MYO9A: variants seen among roughly 807,000 people sequenced by gnomAD.
MYO9A encodes the protein myosin IXA.
Under a neutral mutation model 293.3 loss-of-function variants are expected in MYO9A, and 103 were observed. That is an observed-to-expected ratio of 0.35 (90% CI 0.30 to 0.41). The LOEUF is 0.41. Among genes scored for constraint, MYO9A ranks in the 10% least tolerant of loss-of-function variants. The probability of loss-of-function intolerance (pLI) is 1.00; values close to 1 mark genes in which losing one functional copy is unlikely to be tolerated. For synonymous variants in MYO9A, 1,001 were observed against 1,035.7 expected (o/e 0.97, Z 0.64); for missense variants, 2,685 against 3,033.0 (o/e 0.89, Z 2.69).
chr15:71,863,965 C>A (rs1377509419), intron 32 of MYO9A, among the ~76,000 whole-genome samples: 1 of 152,130 alleles, frequency 6.6e-6, no homozygotes, highest in Non-Finnish European at 1.5e-5. Context: ...ACAGTAAAAT[C>A]TATTGTTTTG....
At position 71,822,981 on chromosome 15, in the gene MYO9A, C is replaced by T. The variant is rs2054331035; in HGVS notation, c.*3599G>A. The stretch of plus-strand genomic sequence containing the variant: ...TCACAGATACCAAGGAGTTTTACTA[C>T]CAAGGCCAGCATGGTATTGCAGGAC... On this transcript the variant is annotated 3_prime_UTR_variant, in exon 42 of 42. Transcript: ENST00000356056. 1 of 151,926 alleles carries T rather than the reference C, an allele frequency of 6.6e-6. No homozygotes were observed. Among genetic ancestry groups the T allele is most frequent in the Admixed American group, 6.6e-5 (1 of 15,234 alleles). 9.4% of individuals were successfully genotyped at this position (151,926 alleles called of 1,614,324 possible). A position where few individuals can be genotyped will look rare whatever the true frequency, so the allele number is the denominator to read the frequency against.
intron 1 of MYO9A, among the ~76,000 whole-genome samples, chr15:72,049,214 A>G (rs940665983): frequency 6.6e-6 from 1 of 152,222 alleles, no homozygotes; most frequent in Non-Finnish European, 1.5e-5. Flanking sequence ...TATCATAAAT[A>G]TATTTTTAAA....
At chr15:71,860,920 T>C (rs2056089369) in intron 33 of MYO9A, among the ~76,000 whole-genome samples, 1 of 136,746 alleles carries the variant, frequency 7.3e-6, no homozygotes. Flanking sequence ...TGAGCTGAGA[T>C]TGTGCCAATG....
intron 33 of MYO9A, among the ~76,000 whole-genome samples, chr15:71,861,702 CAAAT>C (rs2056140627): frequency 4.4e-5 from 4 of 91,086 alleles, no homozygotes; most frequent in Non-Finnish European, 6.9e-5. Flanking sequence ...AAAAAAAAAA[CAAAT>C]AAGTTTCCTG....
intron 17 of MYO9A, 109 bp downstream of exon 17, chr15:71,935,232 T>C (rs2058604326): frequency 2.5e-6 from 3 of 1,212,510 alleles, no homozygotes; most frequent in Admixed American, 2.5e-5. Context: ...ATTCTTCCCA[T>C]GAAAATAACA....
intron 1 of MYO9A, among the ~76,000 whole-genome samples, chr15:72,090,605 T>C (rs2079875495): frequency 6.6e-6 from 1 of 152,146 alleles, no homozygotes; most frequent in Admixed American, 6.5e-5. Context: ...CATATAAGTA[T>C]AGAAATGTTA....
chr15:71,903,915 T>A lies in MYO9A; in HGVS notation c.2877+14A>T, dbSNP rs776745273. 44 of 1,604,288 alleles carry A rather than the reference T, an allele frequency of 2.7e-5. No homozygotes were observed. In the Middle Eastern group the frequency reaches 6.6e-4, roughly 24 times the overall value. ...ATGTGTCTAAATATGTAAATATCAC[T>A]ATAAAAACAGAACCTGGAAAGAATA... On this transcript the variant is annotated intron_variant, in intron 21 of 41. Coordinates refer to ENST00000356056, the MANE Select transcript of MYO9A (RefSeq NM_006901.4).
intron 1 of MYO9A, among the ~76,000 whole-genome samples, chr15:72,078,055 A>G (rs959192395): frequency 9.2e-5 from 14 of 152,164 alleles, no homozygotes; most frequent in African/African-American, 3.1e-4. Context: ...GAATTACAGG[A>G]ACTCTCATTC....
intron 41 of MYO9A, among the ~76,000 whole-genome samples, 158 bp downstream of exon 41, chr15:71,827,726 G>A (rs985710648): frequency 6.6e-6 from 1 of 151,912 alleles, no homozygotes; most frequent in Non-Finnish European, 1.5e-5. Flanking sequence ...AAACGATGAA[G>A]GCTAAAATTA....
At position 71,893,729 on chromosome 15, in the gene MYO9A, C is replaced by G. The variant is rs2057244533; in HGVS notation, c.5092G>C (p.Asp1698His). The change falls in exon 26 of 42, where the codon GAT becomes CAT. Residue 1698 changes from aspartate to histidine, a missense_variant. Physicochemically the swap from Asp to His is moderately conservative, Grantham distance 81 (BLOSUM62 -1). This residue lies in a region of MYO9A where 1,434 missense variants were observed against 1,497.7 expected (regional missense o/e 0.96). Transcript: ENST00000356056. ...TTCACAGGTTTCCATGCTGGTTCAT[C>G]TTCTTTATGGAGTTGAGGATTTTTA... The part of the protein sequence containing the change: ...NSKNPQLHKE[D>H]EPAWKPVKLA... 1.2e-6 allele frequency: 2 copies of G among 1,613,870 alleles called. No homozygotes were observed. The highest frequency in any genetic ancestry group is 1.7e-5 in the Admixed American group (1 of 59,986).
chr15:72,030,745 A>G (rs577032094), intron 3 of MYO9A, among the ~76,000 whole-genome samples: 19 of 152,154 alleles, frequency 1.2e-4, no homozygotes, highest in Non-Finnish European at 2.4e-4. Context: ...GTGAGTCTCC[A>G]ACTCCTGACC....
chr15:71,931,792 C>A (rs2058482374), intron 18 of MYO9A, among the ~76,000 whole-genome samples: 1 of 152,176 alleles, frequency 6.6e-6, no homozygotes, highest in South Asian at 2.1e-4. Context: ...TTGTTTTCTG[C>A]ACATTAGATA....
At chr15:72,103,266 G>GGCAGCAGCAGAAGCAGCAGCAAGCA (rs1357960843) in intron 1 of MYO9A, among the ~76,000 whole-genome samples, 8 of 134,004 alleles carry the variant, frequency 6.0e-5, no homozygotes, top group Admixed American at 1.5e-4. Context: ...GAGAAGCAGA[G>GGCAGCAGCAGAAGCAGCAGCAAGCA]GCAGCAGCAG....
chr15:71,925,695 G>A lies in MYO9A; in HGVS notation c.2562+7975C>T, dbSNP rs4777474. On this transcript the variant is annotated intron_variant, in intron 18 of 41. Coordinates refer to ENST00000356056, the MANE Select transcript of MYO9A (RefSeq NM_006901.4). Reference sequence around the variant, plus strand: ...CCCATCCCCCCACAATTTATAACTTGCTGCCTTAATTTACATCTTTTTAAA... The same window carrying A: ...CCCATCCCCCCACAATTTATAACTTACTGCCTTAATTTACATCTTTTTAAA... Among the ~76,000 whole-genome samples the A allele has an allele frequency of 0.035, 5,358 of 152,092 alleles. 560 individuals carry two copies. In the East Asian group the frequency reaches 0.4, roughly 11 times the overall value.
In MYO9A at chr15:71,826,517, G is replaced by A. The variant is rs1424297832; in HGVS notation, c.*63C>T. 7.6e-6 allele frequency: 11 copies of A among 1,455,838 alleles called. No individual in the cohort carries two copies. Among genetic ancestry groups the A allele is most frequent in the Middle Eastern group, 2.6e-4 (1 of 3,920 alleles). The allele number at this position is 1,455,838 out of a possible 1,614,324, so 90.2% of individuals were successfully genotyped here. Reference sequence around the variant, plus strand: ...ACTATTGTGGACGAGGTGATGAAACGCAGCCCCAAAGGTGAGATTTGTTTA... The same window carrying A: ...ACTATTGTGGACGAGGTGATGAAACACAGCCCCAAAGGTGAGATTTGTTTA... On this transcript the variant is annotated 3_prime_UTR_variant, in exon 42 of 42. Coordinates refer to ENST00000356056, the MANE Select transcript of MYO9A (RefSeq NM_006901.4).
chr15:72,035,238 A>T (rs1380373895), intron 2 of MYO9A, among the ~76,000 whole-genome samples: 8 of 152,164 alleles, frequency 5.3e-5, no homozygotes, highest in African/African-American at 1.9e-4. Flanking sequence ...AGTTAAACAC[A>T]CTCTTAACAA....
In MYO9A at chr15:71,899,760, T is replaced by C; in HGVS notation, c.3397A>G (p.Lys1133Glu). Reference protein sequence around the residue: ...QARWKAYRESKRYQEQRKKII... With the variant: ...QARWKAYRESERYQEQRKKII... ...TTTTTCCTTTGTTCTTGGTACCTTT[T>C]ACTTTCCCTGTAGGCTTTCCATCTT... is the stretch of plus-strand genomic sequence containing the variant. The change falls in exon 24 of 42, where the codon AAA becomes GAA. Residue 1133 changes from lysine to glutamate, a missense_variant. Lys to Glu is a moderately conservative substitution (Grantham distance 56). This residue lies in a region of MYO9A where 1,434 missense variants were observed against 1,497.7 expected (regional missense o/e 0.96). Transcript: ENST00000356056. The C allele has an allele frequency of 6.2e-7, 1 of 1,614,220 alleles. No individual in the cohort carries two copies. Among genetic ancestry groups the C allele is most frequent in the Non-Finnish European group, 8.5e-7 (1 of 1,180,044 alleles).
intron 19 of MYO9A, 117 bp downstream of exon 19, chr15:71,916,253 G>A (rs1293982643): frequency 2.4e-6 from 3 of 1,254,888 alleles, no homozygotes; most frequent in Non-Finnish European, 1.1e-6. Context: ...GTAATATATG[G>A]CTTTTTAGTC....
chr15:71,940,446 C>A (rs1040865213), intron 15 of MYO9A, among the ~76,000 whole-genome samples: 1 of 151,678 alleles, frequency 6.6e-6, no homozygotes, highest in African/African-American at 2.4e-5. Flanking sequence ...GAGCTGAGGT[C>A]GTGCCACTGC....
Sources: allele counts gnomAD v4.1 joint callset (sites outside exome capture counted in the v4.1 genomes callset), GRCh38; gene constraint gnomAD v4.1.1; regional missense constraint gnomAD v4.1.1; transcripts MANE v1.5; gene names NCBI Gene and HGNC (gene_info 2026-07-23, HGNC 2026-07-21).